Variants in MBTPS1 observed in about 807,000 individuals in gnomAD.
The protein encoded by MBTPS1 is membrane bound transcription factor peptidase, site 1.
Under a neutral mutation model 127.8 loss-of-function variants are expected in MBTPS1, and 94 were observed. The observed-to-expected ratio is 0.74, with a 90% confidence interval of 0.62 to 0.87. MBTPS1 has a LOEUF of 0.87. MBTPS1 is among the 40% of genes least tolerant of loss of function. The pLI, the probability that MBTPS1 is intolerant of heterozygous loss-of-function variation, is 0.00. For synonymous variants in MBTPS1, 632 were observed against 509.4 expected (o/e 1.24, Z -3.24); for missense variants, 1,636 against 1,353.2 (o/e 1.21, Z -3.28).
At chr16:84,090,503 G>A (rs998338302) in intron 8 of MBTPS1, among the ~76,000 whole-genome samples, 3 of 152,096 alleles carry the variant, frequency 2.0e-5, no homozygotes, top group African/African-American at 7.2e-5. Context: ...CTCTTTACCC[G>A]GATGCTTTGC....
At chr16:84,077,980 T>G (rs943586799) in intron 11 of MBTPS1, among the ~76,000 whole-genome samples, 2 of 151,644 alleles carry the variant, frequency 1.3e-5, no homozygotes, top group African/African-American at 4.8e-5. Flanking sequence ...TCAAACTCAC[T>G]CATAAATAGA....
At chr16:84,054,768 G>C in intron 22 of MBTPS1, 123 bp from the exon 23 acceptor site, 1 of 691,426 alleles carries the variant, frequency 1.4e-6, no homozygotes, top group Non-Finnish European at 2.3e-6. Context: ...TGGGCTTGCA[G>C]GGCATACATC....
chr16:84,073,715 T>C (rs1026377943), intron 12 of MBTPS1, among the ~76,000 whole-genome samples: 2 of 151,824 alleles, frequency 1.3e-5, no homozygotes, highest in Non-Finnish European at 2.9e-5. Flanking sequence ...CATTAAAGGA[T>C]AGAATACTGG....
At chr16:84,056,797 C>G (rs2085528654) in intron 21 of MBTPS1, 2 of 152,204 alleles carry the variant, frequency 1.3e-5, no homozygotes, top group Non-Finnish European at 2.9e-5. Context: ...ATTATTAACT[C>G]TGGGATCTGA....
At chr16:84,056,251 A>ATTTTTT in intron 21 of MBTPS1, 116 bp from the exon 22 acceptor site, 2 of 855,636 alleles carry the variant, frequency 2.3e-6, no homozygotes, top group South Asian at 1.9e-5. Flanking sequence ...GGGAGATGTG[A>ATTTTTT]AATGCCATTT....
chr16:84,090,913 G>A lies in MBTPS1; in HGVS notation c.993C>T (p.Ile331=). Residue 331 remains isoleucine, a synonymous_variant, in exon 8 of 23, where the codon ATC becomes ATT. Transcript: ENST00000343411. ...CGTCATTGCCAATAGCAGAAACCAT[G>A]ATTACATTGTTAGCTGTTAATTCCC... ...KVWELTANNV[I]MVSAIGNDGP... 6.2e-7 allele frequency: 1 copy of A among 1,612,112 alleles called. No homozygotes were observed. Among genetic ancestry groups the A allele is most frequent in the South Asian group, 1.1e-5 (1 of 90,912 alleles).
chr16:84,059,304 G>A lies in MBTPS1; in HGVS notation c.2829C>T (p.Pro943=), dbSNP rs2085570607. ...GAAGGGCACAGGCGGACACTAACCT[G>A]GGCGCCGTCTCGTTTAAAGGCTGTG... is the stretch of plus-strand genomic sequence containing the variant. ...AKPQPLNETA[P]SNLWKHQKLL... Residue 943 remains proline (P), a splice_region_variant and synonymous_variant, in exon 21 of 23, where the codon CCC becomes CCT. Coordinates refer to ENST00000343411, the MANE Select transcript of MBTPS1 (RefSeq NM_003791.4). The A allele has an allele frequency of 6.2e-7, 1 of 1,613,286 alleles. No individual in the cohort carries two copies. The highest frequency in any genetic ancestry group is 1.1e-5 in the South Asian group (1 of 91,038).
At position 84,116,659 on chromosome 16, in the gene MBTPS1, C is replaced by G. The variant is rs557099851; in HGVS notation, c.-325+76G>C. 33 of 152,126 alleles carry G rather than the reference C, an allele frequency of 2.2e-4. No individual in the cohort carries two copies. The South Asian group carries it at 6.4e-3, about 30-fold the overall frequency. 9.4% of individuals were successfully genotyped at this position (152,126 alleles called of 1,614,324 possible). On this transcript the variant is annotated intron_variant, in intron 1 of 22. Coordinates refer to ENST00000343411, the MANE Select transcript of MBTPS1 (RefSeq NM_003791.4). ...CTCGCCTCGGGGCCTCGGACGCAAC[C>G]GGCACACCTGAGCGAGCGGGCCGCC...
intron 12 of MBTPS1, among the ~76,000 whole-genome samples, chr16:84,073,591 C>T (rs374725436): frequency 7.9e-5 from 12 of 151,738 alleles, no homozygotes; most frequent in African/African-American, 2.4e-4. Flanking sequence ...AGGCTGGAAG[C>T]GAGTTTTCTA....
chr16:84,063,266 G>C (rs920486582), intron 19 of MBTPS1, 39 bp downstream of exon 19: 4 of 1,588,760 alleles, frequency 2.5e-6, no homozygotes, highest in Non-Finnish European at 1.7e-6. Context: ...GAAAGGATCT[G>C]AGTGCCGAAG....
At chr16:84,086,903 A>G (rs980818100) in intron 9 of MBTPS1, among the ~76,000 whole-genome samples, 2 of 152,202 alleles carry the variant, frequency 1.3e-5, no homozygotes, top group Non-Finnish European at 2.9e-5. Flanking sequence ...CCAGCTAAAT[A>G]CAATTGTTTC....
chr16:84,088,512 C>CA (rs1019147569), intron 8 of MBTPS1, among the ~76,000 whole-genome samples: 4 of 152,050 alleles, frequency 2.6e-5, no homozygotes, highest in African/African-American at 7.2e-5. Flanking sequence ...TGAAGTTGAC[C>CA]AAAAAAATAC....
At chr16:84,081,638 G>A (rs2085940944) in intron 11 of MBTPS1, 109 bp downstream of exon 11, 3 of 886,694 alleles carry the variant, frequency 3.4e-6, no homozygotes, top group South Asian at 4.3e-5. Flanking sequence ...CGAGAATTCT[G>A]TGCTTAGTCA....
Position 84,063,973 on chromosome 16 carries a change from C to T in MBTPS1, c.2432-528G>A, listed in dbSNP as rs561394356. On this transcript the variant is annotated intron_variant, in intron 18 of 22. Transcript: ENST00000343411. Reference sequence around the variant, plus strand: ...CACATATTTATATTTAGGTTTAAGACATCGGTTACATTAATTTCACAAAGA... The same window carrying T: ...CACATATTTATATTTAGGTTTAAGATATCGGTTACATTAATTTCACAAAGA... Among the ~76,000 whole-genome samples, 6 of 152,306 alleles carry T rather than the reference C, an allele frequency of 3.9e-5. No homozygotes were observed. In the East Asian group the frequency reaches 1.2e-3, roughly 29 times the overall value.
rs946138385 is a variant in MBTPS1 at position 84,074,942 on chromosome 16, C to A, written c.1449-201G>T. The stretch of plus-strand genomic sequence containing the variant: ...CCTCTGTGCCAGCCTGCTGTCTATA[C>A]AGACAGTGTGATGTGCAGGGACACC... On this transcript the variant is annotated intron_variant, in intron 11 of 22. Transcript: ENST00000343411. The A allele has an allele frequency of 2.4e-5, 11 of 449,058 alleles. No individual in the cohort carries two copies. The highest frequency in any genetic ancestry group is 3.9e-5 in the Admixed American group (1 of 25,618). 27.8% of individuals were successfully genotyped at this position (449,058 alleles called of 1,614,324 possible).
In MBTPS1 at chr16:84,054,470, C is replaced by A. The variant is rs374772094; in HGVS notation, c.3138G>T (p.Pro1046=). 12 of 1,607,104 alleles carry A rather than the reference C, an allele frequency of 7.5e-6. No homozygotes were observed. Among genetic ancestry groups the A allele is most frequent in the Non-Finnish European group, 1.7e-6 (2 of 1,176,366 alleles). Residue 1046 remains proline, a synonymous_variant, in exon 23 of 23, where the codon CCG becomes CCT. Coordinates refer to ENST00000343411, the MANE Select transcript of MBTPS1 (RefSeq NM_003791.4). Reference sequence around the variant, plus strand: ...CCGGTCACACCGAAGGGGTCTTTGGCGGGTGAACCTGCTGCATGAGCTGCG... The same window carrying A: ...CCGGTCACACCGAAGGGGTCTTTGGAGGGTGAACCTGCTGCATGAGCTGCG... The part of the protein sequence containing the change: ...KRPQLMQQVH[P]PKTPSV
intron 17 of MBTPS1, 152 bp downstream of exon 17, chr16:84,066,337 C>G: frequency 1.3e-6 from 1 of 752,654 alleles, no homozygotes; most frequent in East Asian, 2.9e-5. Flanking sequence ...TAGAGCCTCA[C>G]AGATGTACTT....
chr16:84,068,011 A>G (rs2085712866), intron 15 of MBTPS1, among the ~76,000 whole-genome samples, 188 bp from the exon 16 acceptor site: 1 of 152,256 alleles, frequency 6.6e-6, no homozygotes, highest in Admixed American at 6.5e-5. Flanking sequence ...CACAGCGACT[A>G]ACTGTGATCT....
intron 16 of MBTPS1, among the ~76,000 whole-genome samples, 185 bp downstream of exon 16, chr16:84,067,482 T>C (rs554862755): frequency 1.3e-5 from 2 of 152,116 alleles, no homozygotes; most frequent in African/African-American, 2.4e-5. Flanking sequence ...CCTTCCAAAG[T>C]GCTGGGATTA....
Sources: allele counts gnomAD v4.1 joint callset (sites outside exome capture counted in the v4.1 genomes callset), GRCh38; gene constraint gnomAD v4.1.1; transcripts MANE v1.5; gene names NCBI Gene and HGNC (gene_info 2026-07-23, HGNC 2026-07-21).